The following ANLN variants were observed in gnomAD, a reference collection of about 807,000 sequenced individuals.
The protein encoded by ANLN is anillin.
Under a neutral mutation model 135.1 loss-of-function variants are expected in ANLN, and 59 were observed. The observed-to-expected ratio is 0.44, with a 90% CI of 0.35 to 0.54. ANLN has a LOEUF of 0.54. ANLN is among the 20% of genes least tolerant of loss of function. The pLI is 0.00. For missense variants in ANLN, 1,182 were observed against 1,340.0 expected (o/e 0.88, Z 1.84); for synonymous variants, 406 against 456.4 (o/e 0.89, Z 1.41).
intron 7 of ANLN, among the ~76,000 whole-genome samples, chr7:36,414,875 C>G (rs1189426743): frequency 6.6e-6 from 1 of 152,084 alleles, no homozygotes; most frequent in Non-Finnish European, 1.5e-5. Flanking sequence ...GTGCAAGATA[C>G]TTAACTTTTT....
intron 12 of ANLN, 27 bp from the exon 13 acceptor site, chr7:36,421,830 T>A: frequency 6.4e-7 from 1 of 1,572,274 alleles, no homozygotes. Context: ...ATGTGTATAT[T>A]TTTTCTCCTC....
intron 20 of ANLN, among the ~76,000 whole-genome samples, chr7:36,436,962 G>A (rs1165184398): frequency 1.3e-5 from 2 of 152,118 alleles, no homozygotes; most frequent in Non-Finnish European, 2.9e-5. Context: ...GTGCTTTGAT[G>A]TGCAAAGGTC....
chr7:36,390,436 A>C, intron 1 of ANLN: 1 of 242,614 alleles, frequency 4.1e-6, no homozygotes, highest in Admixed American at 5.3e-5. Context: ...CCGGTGACTC[A>C]GTGCGGCTGC....
At chr7:36,441,956 G>A (rs1355058222) in intron 21 of ANLN, among the ~76,000 whole-genome samples, 1 of 152,192 alleles carries the variant, frequency 6.6e-6, no homozygotes, top group Non-Finnish European at 1.5e-5. Flanking sequence ...GGAAGGATTA[G>A]GGGAGGAGGA....
chr7:36,439,610 T>C (rs960430105), intron 21 of ANLN, among the ~76,000 whole-genome samples: 7 of 151,996 alleles, frequency 4.6e-5, no homozygotes, highest in Non-Finnish European at 7.4e-5. Flanking sequence ...GTGTGTGGGG[T>C]GGGATAAAGG....
Position 36,421,864 on chromosome 7 carries a change from A to G in ANLN, c.2171A>G (p.Asn724Ser), listed in dbSNP as rs774714318. 3.1e-6 allele frequency: 5 copies of G among 1,606,778 alleles called. No homozygotes were observed. Among genetic ancestry groups the G allele is most frequent in the Admixed American group, 1.7e-5 (1 of 58,624 alleles). ...TCTCATTGGTTTTCCTAGGAACTCA[A>G]TAACGAAATAAATATGCAACAGACA... ...VNIKQKMQEL[N>S]NEINMQQTVI... Residue 724 changes from asparagine to serine, a missense_variant, in exon 13 of 24, where the codon AAT (asparagine) becomes AGT (serine). By Grantham distance (46) the Asn-to-Ser change is conservative. This residue lies in a region of ANLN where 1,022 missense variants were observed against 1,134.0 expected (regional missense o/e 0.90). Coordinates refer to ENST00000265748, the MANE Select transcript of ANLN (RefSeq NM_018685.5).
Position 36,422,680 on chromosome 7 carries a change from G to A in ANLN, c.2347G>A (p.Glu783Lys), listed in dbSNP as rs374099285. 1.3e-4 allele frequency: 205 copies of A among 1,611,812 alleles called. No individual in the cohort carries two copies. The highest frequency in any genetic ancestry group is 1.6e-4 in the Non-Finnish European group (193 of 1,179,430). The change falls in exon 14 of 24, where the codon GAA becomes AAA. Residue 783 changes from glutamate to lysine, a missense_variant. This residue lies in a region of ANLN where 1,022 missense variants were observed against 1,134.0 expected (regional missense o/e 0.90). Transcript: ENST00000265748. ...TGATGAATTGAATAAATTGAAGAAC[G>A]AAGGACCTCAGAGGAAGAATAAGGC... ...LIDELNKLKN[E>K]GPQRKNKASP...
intron 7 of ANLN, among the ~76,000 whole-genome samples, 182 bp downstream of exon 7, chr7:36,411,348 A>G (rs1032472881): frequency 5.9e-5 from 9 of 152,286 alleles, no homozygotes; most frequent in Non-Finnish European, 1.3e-4. Flanking sequence ...ATATTTTTCT[A>G]TTTCAGTGGA....
Position 36,423,803 on chromosome 7 carries a change from A to C in ANLN, c.2477-14A>C, listed in dbSNP as rs753113017. 1.9e-6 allele frequency: 3 copies of C among 1,604,420 alleles called. No individual in the cohort carries two copies. The highest frequency in any genetic ancestry group is 2.6e-6 in the Non-Finnish European group (3 of 1,176,332). On this transcript the variant is annotated splice_polypyrimidine_tract_variant and intron_variant, in intron 14 of 23. Transcript: ENST00000265748. ...TTGCTTGTGCTTACTATGTAATATG[A>C]TTACTTCTTACAGATGCAGCAAATT... is the stretch of plus-strand genomic sequence containing the variant.
At chr7:36,414,744 CT>C (rs1787570850) in intron 7 of ANLN, among the ~76,000 whole-genome samples, 1 of 152,184 alleles carries the variant, frequency 6.6e-6, no homozygotes. Context: ...CATCTGCATG[CT>C]AATTACATTG....
At chr7:36,392,512 G>GT (rs1562780243) in intron 1 of ANLN, among the ~76,000 whole-genome samples, 4 of 43,928 alleles carry the variant, frequency 9.1e-5, no homozygotes, top group African/African-American at 1.7e-4. Context: ...TTATTGCAGT[G>GT]GTTTTTTTTT....
intron 4 of ANLN, among the ~76,000 whole-genome samples, chr7:36,407,460 T>C (rs548870039): frequency 6.6e-6 from 1 of 152,242 alleles, no homozygotes; most frequent in East Asian, 1.9e-4. Context: ...AACTTTTTTT[T>C]TAAATAAAGA....
intron 20 of ANLN, 132 bp from the exon 21 acceptor site, chr7:36,439,070 CTT>C (rs773190825): frequency 2.7e-4 from 187 of 692,488 alleles, no homozygotes; most frequent in Non-Finnish European, 3.2e-4. Flanking sequence ...TTGGCCATGT[CTT>C]TTATACTCCA....
chr7:36,407,857 A>G lies in ANLN; in HGVS notation c.997A>G (p.Ile333Val), dbSNP rs374404121. The part of the protein sequence containing the change: ...SPLKTGVSKP[I>V]VKSTLSQTVP... ...TCTGAAAACGGGGGTATCGAAACCAATTGTGAAGTCAACTTTATCCCAGAC... is the reference window on the plus strand; with the variant it reads ...TCTGAAAACGGGGGTATCGAAACCAGTTGTGAAGTCAACTTTATCCCAGAC... Residue 333 changes from isoleucine to valine, a missense_variant, in exon 5 of 24, where the codon ATT becomes GTT. Physicochemically the swap from Ile to Val is conservative, Grantham distance 29 (BLOSUM62 3). This residue lies in a region of ANLN where 1,022 missense variants were observed against 1,134.0 expected (regional missense o/e 0.90). Coordinates refer to ENST00000265748, the MANE Select transcript of ANLN (RefSeq NM_018685.5). 30 of 1,613,810 alleles carry G rather than the reference A, an allele frequency of 1.9e-5. No homozygotes were observed. Among genetic ancestry groups the G allele is most frequent in the African/African-American group, 1.5e-4 (11 of 74,916 alleles).
In ANLN at chr7:36,415,873, C is replaced by G. The variant is rs1038471408; in HGVS notation, c.1511C>G (p.Thr504Arg). The change falls in exon 8 of 24, where the codon ACA (threonine) becomes AGA (arginine). Residue 504 changes from threonine to arginine, a missense_variant. Physicochemically the swap from Thr to Arg is moderately conservative, Grantham distance 71. This residue lies in a region of ANLN where 1,022 missense variants were observed against 1,134.0 expected (regional missense o/e 0.90). Coordinates refer to ENST00000265748, the MANE Select transcript of ANLN (RefSeq NM_018685.5). Reference protein sequence around the residue: ...ENQIPAKNSSTEPKGFTECEM... With the variant: ...ENQIPAKNSSREPKGFTECEM... Reference sequence around the variant, plus strand: ...CAGATACCAGCCAAAAATTCTAGTACAGAACCTAAAGGTCAGTGTTTCCAG... The same window carrying G: ...CAGATACCAGCCAAAAATTCTAGTAGAGAACCTAAAGGTCAGTGTTTCCAG... 6 of 1,594,730 alleles carry G rather than the reference C, an allele frequency of 3.8e-6. No individual in the cohort carries two copies. Among genetic ancestry groups the G allele is most frequent in the Non-Finnish European group, 5.1e-6 (6 of 1,173,440 alleles).
chr7:36,404,586 A>C (rs1192119767), intron 3 of ANLN, among the ~76,000 whole-genome samples: 1 of 152,236 alleles, frequency 6.6e-6, no homozygotes. Context: ...AGATCTTAGC[A>C]ACCTCAGCGT....
At chr7:36,414,996 C>A (rs1787581589) in intron 7 of ANLN, among the ~76,000 whole-genome samples, 1 of 152,200 alleles carries the variant, frequency 6.6e-6, no homozygotes, top group Non-Finnish European at 1.5e-5. Context: ...AGGTGGCTGG[C>A]ACATATTGAG....
At chr7:36,439,895 A>G (rs1788696451) in intron 21 of ANLN, among the ~76,000 whole-genome samples, 1 of 152,146 alleles carries the variant, frequency 6.6e-6, no homozygotes, top group South Asian at 2.1e-4. Flanking sequence ...CCTTTTAAAG[A>G]ATTTGGACTT....
chr7:36,397,166 AAGC>A (rs145851388), intron 2 of ANLN, among the ~76,000 whole-genome samples: 5,675 of 151,932 alleles, frequency 0.037, 162 homozygotes, highest in South Asian at 0.06. Context: ...AAAAAAAAGA[AAGC>A]AGAGAAGTGT....
Sources: gnomAD v4.1 joint callset for allele counts (sites outside exome capture counted in the v4.1 genomes callset) on GRCh38, gnomAD v4.1.1 for gene constraint, gnomAD v4.1.1 regional missense constraint, MANE v1.5 for transcripts, NCBI Gene and HGNC (gene_info 2026-07-23, HGNC 2026-07-21) for gene names.